Variants in LTBP2 observed in about 807,000 individuals in gnomAD.
LTBP2 encodes the protein latent transforming growth factor beta binding protein 2, also known as latent-transforming growth factor beta-binding protein 2.
Under a neutral mutation model 210.6 loss-of-function variants are expected in LTBP2, and 103 were observed. That is an observed-to-expected ratio of 0.49 (90% CI 0.42 to 0.58). The LOEUF (loss-of-function observed/expected upper bound fraction) is 0.58. Ranked by LOEUF, LTBP2 falls within the 20% of genes least tolerant of loss-of-function variation. The pLI, the probability that LTBP2 is intolerant of heterozygous loss-of-function variation, is 0.00. For missense variants in LTBP2, 2,313 were observed against 2,494.5 expected (o/e 0.93, Z 1.55); for synonymous variants, 1,007 against 1,015.0 (o/e 0.99, Z 0.15).
At chr14:74,551,038 G>T in intron 7 of LTBP2, 26 bp downstream of exon 7, 1 of 1,613,268 alleles carries the variant, frequency 6.2e-7, no homozygotes, top group Non-Finnish European at 8.5e-7. Flanking sequence ...AAGCATCCAG[G>T]GCTGAGGCCA....
In LTBP2 at chr14:74,499,324, C is replaced by T; in HGVS notation, c.*1560G>A. The T allele has an allele frequency of 4.5e-6, 1 of 220,824 alleles. No individual in the cohort carries two copies. Among genetic ancestry groups the T allele is most frequent in the Non-Finnish European group, 9.1e-6 (1 of 110,074 alleles). 13.7% of individuals were successfully genotyped at this position (220,824 alleles called of 1,614,324 possible). On this transcript the variant is annotated 3_prime_UTR_variant, in exon 36 of 36. Coordinates refer to ENST00000261978, the MANE Select transcript of LTBP2 (RefSeq NM_000428.3). Reference sequence around the variant, plus strand: ...AGGGACCTAGAGCAAATTATTTAAGCTTTCTATGTCTCAGTTTCCTCACCT... The same window carrying T: ...AGGGACCTAGAGCAAATTATTTAAGTTTTCTATGTCTCAGTTTCCTCACCT...
chr14:74,607,990 G>A (rs546826407), intron 1 of LTBP2, among the ~76,000 whole-genome samples: 4 of 149,530 alleles, frequency 2.7e-5, no homozygotes, highest in East Asian at 2.0e-4. Context: ...GCGCAATCTC[G>A]GCTCACTGCA....
chr14:74,569,780 C>A (rs1005135199), intron 3 of LTBP2, among the ~76,000 whole-genome samples: 1 of 152,138 alleles, frequency 6.6e-6, no homozygotes, highest in Non-Finnish European at 1.5e-5. Context: ...CTAACAAGAA[C>A]CTAAGACATA....
Position 74,605,005 on chromosome 14 carries a change from A to G in LTBP2, c.495-1300T>C, listed in dbSNP as rs142655449. On this transcript the variant is annotated intron_variant, in intron 1 of 35. Transcript: ENST00000261978. ...AGAAGGGCTTCTCCTGGAGATCTCT[A>G]GGGACTGACTCCTTGGCAGGCTGGG... Among the ~76,000 whole-genome samples the G allele has an allele frequency of 8.2e-3, 1,247 of 152,344 alleles. 8 individuals are homozygous for G. The highest frequency in any genetic ancestry group is 0.024 in the Middle Eastern group (7 of 294).
intron 3 of LTBP2, among the ~76,000 whole-genome samples, chr14:74,558,309 C>T (rs542490728): frequency 3.9e-5 from 6 of 152,184 alleles, no homozygotes; most frequent in African/African-American, 1.2e-4. Flanking sequence ...GCACGAGAAT[C>T]GCTTGAACCC....
At chr14:74,540,492 G>A (rs917862513) in intron 8 of LTBP2, among the ~76,000 whole-genome samples, 7 of 150,874 alleles carry the variant, frequency 4.6e-5, no homozygotes, top group East Asian at 2.0e-4. Flanking sequence ...TAAATAAGGC[G>A]CAGTGGCTCA....
At chr14:74,573,298 C>T (rs964598280) in intron 3 of LTBP2, among the ~76,000 whole-genome samples, 1 of 152,220 alleles carries the variant, frequency 6.6e-6, no homozygotes, top group African/African-American at 2.4e-5. Context: ...ATACCCTCCT[C>T]ACAGGGTCAT....
Position 74,552,346 on chromosome 14 carries a change from C to G in LTBP2, c.1240G>C (p.Asp414His). 1 of 1,612,060 alleles carries G rather than the reference C, an allele frequency of 6.2e-7. No individual in the cohort carries two copies. Among genetic ancestry groups the G allele is most frequent in the Non-Finnish European group, 8.5e-7 (1 of 1,180,020 alleles). ...CLNGGRCIGRDECWCPANSTG... is the reference protein window; with the variant it reads ...CLNGGRCIGRHECWCPANSTG... ...GAGTTGGCGGGGCACCAGCATTCGT[C>G]CCTGCCGATGCAGCGGCCTCCGTTC... The change falls in exon 6 of 36, where the codon GAC becomes CAC. Residue 414 changes from aspartate to histidine, a missense_variant. Transcript: ENST00000261978.
rs751582703 is a variant in LTBP2, at chr14:74,611,649, G to A, written c.296C>T (p.Thr99Ile). Reference protein sequence around the residue: ...QPGWGSPRRPTEAEARRPSRA... With the variant: ...QPGWGSPRRPIEAEARRPSRA... ...GGACGGCCTCCTGGCCTCCGCCTCG[G>A]TGGGCCTCCTGGGGCTCCCCCAGCC... is the stretch of plus-strand genomic sequence containing the variant. Residue 99 changes from threonine to isoleucine, a missense_variant, in exon 1 of 36, where the codon ACC becomes ATC. Coordinates refer to ENST00000261978, the MANE Select transcript of LTBP2 (RefSeq NM_000428.3). 1.9e-6 allele frequency: 3 copies of A among 1,558,070 alleles called. No homozygotes were observed. The highest frequency in any genetic ancestry group is 2.6e-6 in the Non-Finnish European group (3 of 1,157,580).
chr14:74,585,776 C>A, intron 3 of LTBP2, 78 bp downstream of exon 3: 1 of 1,607,350 alleles, frequency 6.2e-7, no homozygotes, highest in South Asian at 1.1e-5. Flanking sequence ...CAGCCTTCAC[C>A]AAACGGTCCA....
At chr14:74,549,611 A>G (rs1465885350) in intron 8 of LTBP2, among the ~76,000 whole-genome samples, 1 of 152,238 alleles carries the variant, frequency 6.6e-6, no homozygotes, top group Non-Finnish European at 1.5e-5. Context: ...CTGATCAAGA[A>G]TCTCTGCAAG....
In LTBP2 at chr14:74,506,027, A is replaced by G. The variant is rs755926745; in HGVS notation, c.4177+21T>C. 8 of 1,613,700 alleles carry G rather than the reference A, an allele frequency of 5.0e-6. No homozygotes were observed. The African/African-American group carries it at 6.7e-5, about 13-fold the overall frequency. ...TGTAAACCTCTGAGTCACCATGGAT[A>G]ATGTGTCTCCCAGGCCTCACCTCCA... On this transcript the variant is annotated intron_variant, in intron 28 of 35. Transcript: ENST00000261978.
At chr14:74,594,106 G>A (rs1008098158) in intron 2 of LTBP2, among the ~76,000 whole-genome samples, 7 of 152,192 alleles carry the variant, frequency 4.6e-5, no homozygotes, top group South Asian at 2.1e-4. Context: ...ACTCAAACAC[G>A]TCTCCAGGGA....
intron 2 of LTBP2, among the ~76,000 whole-genome samples, chr14:74,589,192 C>A (rs2088248870): frequency 6.6e-6 from 1 of 152,204 alleles, no homozygotes; most frequent in Non-Finnish European, 1.5e-5. Context: ...TCGTAGAGCA[C>A]TCACTGGATG....
chr14:74,504,691 T>C, intron 30 of LTBP2, 87 bp downstream of exon 30: 1 of 1,325,704 alleles, frequency 7.5e-7, no homozygotes, highest in East Asian at 2.3e-5. Flanking sequence ...CAGGGCTGGA[T>C]GCAGAACTTC....
intron 8 of LTBP2, among the ~76,000 whole-genome samples, chr14:74,545,561 T>C (rs1482785192): frequency 6.6e-6 from 1 of 152,194 alleles, no homozygotes; most frequent in Admixed American, 6.5e-5. Flanking sequence ...CTGTAGGCCC[T>C]GAGCCATGTG....
chr14:74,572,284 GGTGTGTGTGTGTGTGTGTGTGTCTGT>G (rs1200314081), intron 3 of LTBP2, among the ~76,000 whole-genome samples: 48 of 120,040 alleles, frequency 4.0e-4, no homozygotes, highest in African/African-American at 1.2e-3. Flanking sequence ...GCAGAGGTGG[GGTGTGTGTGTGTGTGTGTGTGTCTGT>G]GTGTGTGTGT....
At chr14:74,589,708 G>T (rs2088254304) in intron 2 of LTBP2, among the ~76,000 whole-genome samples, 1 of 152,228 alleles carries the variant, frequency 6.6e-6, no homozygotes, top group Non-Finnish European at 1.5e-5. Context: ...ATGGTCAGCT[G>T]GGGCCAGCCC....
At chr14:74,506,246 G>A in intron 27 of LTBP2, 55 bp from the exon 28 acceptor site, 1 of 1,611,938 alleles carries the variant, frequency 6.2e-7, no homozygotes, top group Admixed American at 1.7e-5. Flanking sequence ...CGTGCCCCCT[G>A]CCCCTGACTA....
Sources: gnomAD v4.1 joint callset for allele counts (sites outside exome capture counted in the v4.1 genomes callset) on GRCh38, gnomAD v4.1.1 for gene constraint, MANE v1.5 for transcripts, NCBI Gene and HGNC (gene_info 2026-07-23, HGNC 2026-07-21) for gene names.